Variants in RPSA2 observed in about 807,000 individuals in gnomAD.
RPSA2 encodes the protein small ribosomal subunit protein uS2B.
At chr19:23,758,879 T>C in the RPSA2 span, 1 of 1,324,272 alleles carries the variant, frequency 7.6e-7, no homozygotes, top group South Asian at 1.3e-5. Context: ...GAGCTCGGGC[T>C]GAAGGGAGAG....
chr19:23,794,218 A>G, the RPSA2 span, among the ~76,000 whole-genome samples: 2 of 152,224 alleles, frequency 1.3e-5, no homozygotes, highest in African/African-American at 4.8e-5. Context: ...TATATACCCA[A>G]TTATGAGGTT....
At chr19:23,849,603 C>T in the RPSA2 span, among the ~76,000 whole-genome samples, 14 of 152,104 alleles carry the variant, frequency 9.2e-5, no homozygotes, top group Non-Finnish European at 1.8e-4. Flanking sequence ...GGGTAATGCC[C>T]TTATCTTCCC....
the RPSA2 span, among the ~76,000 whole-genome samples, chr19:23,764,509 C>A: frequency 7.9e-5 from 12 of 152,236 alleles, no homozygotes; most frequent in African/African-American, 2.9e-4. Flanking sequence ...GACAGAGTTT[C>A]ATTCTTGTTG....
At chr19:23,846,699 G>A in the RPSA2 span, among the ~76,000 whole-genome samples, 1 of 152,190 alleles carries the variant, frequency 6.6e-6, no homozygotes, top group African/African-American at 2.4e-5. Context: ...TTCTCTTCTG[G>A]CCAGTAAAGT....
chr19:23,770,980 A>G, the RPSA2 span, among the ~76,000 whole-genome samples: 6 of 152,206 alleles, frequency 3.9e-5, no homozygotes, highest in Non-Finnish European at 7.3e-5. Context: ...CTAAACAACC[A>G]GTAGCAGATG....
chr19:23,850,362 G>A, the RPSA2 span, among the ~76,000 whole-genome samples: 3 of 142,604 alleles, frequency 2.1e-5, no homozygotes, highest in Non-Finnish European at 4.6e-5. Context: ...AGGAAGAGAA[G>A]AACAGAGGGA....
At chr19:23,866,513 G>GTCCC in the RPSA2 span, among the ~76,000 whole-genome samples, 4 of 142,282 alleles carry the variant, frequency 2.8e-5, no homozygotes, top group Admixed American at 7.1e-5. Flanking sequence ...ACAATGTGGT[G>GTCCC]CCCCCCCCCG....
At chr19:23,791,811 C>A in the RPSA2 span, among the ~76,000 whole-genome samples, 7 of 151,564 alleles carry the variant, frequency 4.6e-5, no homozygotes, top group Admixed American at 4.6e-4. Context: ...ATGATCTTGG[C>A]TCACTGCAAC....
chr19:23,762,962 G>A, the RPSA2 span: 1 of 152,362 alleles, frequency 6.6e-6, no homozygotes, highest in African/African-American at 2.4e-5. Context: ...AGGAGGGCGT[G>A]GCTTCCGACA....
At chr19:23,821,232 A>G in the RPSA2 span, among the ~76,000 whole-genome samples, 2 of 152,214 alleles carry the variant, frequency 1.3e-5, no homozygotes, top group African/African-American at 4.8e-5. Context: ...TTCCCATGCC[A>G]GTAGGGCTGT....
chr19:23,801,758 T>G, the RPSA2 span, among the ~76,000 whole-genome samples: 1 of 152,222 alleles, frequency 6.6e-6, no homozygotes, highest in Non-Finnish European at 1.5e-5. Flanking sequence ...TTTTTTCCCT[T>G]CACAAATCCA....
At chr19:23,782,039 G>A in the RPSA2 span, 1 of 153,430 alleles carries the variant, frequency 6.5e-6, no homozygotes, top group African/African-American at 2.4e-5. Flanking sequence ...ATATTGCTGG[G>A]TCTGTGTTAT....
At chr19:23,829,760 TTA>T in the RPSA2 span, among the ~76,000 whole-genome samples, 1 of 152,248 alleles carries the variant, frequency 6.6e-6, no homozygotes, top group Non-Finnish European at 1.5e-5. Flanking sequence ...ATGTTGCTAA[TTA>T]TATCTTATGT....
the RPSA2 span, among the ~76,000 whole-genome samples, chr19:23,866,545 A>G: frequency 7.3e-6 from 1 of 137,028 alleles, no homozygotes; most frequent in East Asian, 2.2e-4. Context: ...TAATGCCAGG[A>G]CTCTGTCCTC....
chr19:23,799,457 C>T, the RPSA2 span: 3 of 152,222 alleles, frequency 2.0e-5, no homozygotes, highest in Non-Finnish European at 4.4e-5. Flanking sequence ...CAGTTCTACC[C>T]AGGGAGGCTC....
the RPSA2 span, among the ~76,000 whole-genome samples, chr19:23,820,188 T>C: frequency 1.1e-4 from 17 of 152,234 alleles, no homozygotes; most frequent in Admixed American, 4.6e-4. Flanking sequence ...CTGTATTAGG[T>C]TGTTCTGGGC....
the RPSA2 span, among the ~76,000 whole-genome samples, chr19:23,803,267 G>A: frequency 6.7e-6 from 1 of 148,564 alleles, no homozygotes; most frequent in African/African-American, 2.6e-5. Flanking sequence ...TTGTCTCACA[G>A]AACTAACTAG....
At chr19:23,848,691 C>T in the RPSA2 span, among the ~76,000 whole-genome samples, 3 of 149,114 alleles carry the variant, frequency 2.0e-5, no homozygotes, top group Admixed American at 2.0e-4. Context: ...AATTGTACTG[C>T]ATTTGCATGT....
At chr19:23,827,798 G>C in the RPSA2 span, 1 of 1,583,472 alleles carries the variant, frequency 6.3e-7, no homozygotes, top group Admixed American at 1.7e-5. Context: ...GATTGAAAAA[G>C]AAGAGCAGGC....
Sources: allele counts gnomAD v4.1 joint callset (sites outside exome capture counted in the v4.1 genomes callset), GRCh38; gene constraint gnomAD v4.1.1; transcripts MANE v1.5; gene names NCBI Gene and HGNC (gene_info 2026-07-23, HGNC 2026-07-21).